The following DCAF6 variants were observed in gnomAD, a reference collection of about 807,000 sequenced individuals.
DCAF6 encodes the protein DDB1- and CUL4-associated factor 6.
DCAF6 carries 54 observed loss-of-function variants against 125.1 expected under a neutral mutation model. That is an observed-to-expected ratio of 0.43 (90% CI 0.35 to 0.54). The LOEUF is 0.54. Ranked by LOEUF, DCAF6 falls within the 20% of genes least tolerant of loss-of-function variation. The pLI is 0.01. For missense variants in DCAF6, 934 were observed against 1,161.7 expected (o/e 0.80, Z 2.85); for synonymous variants, 371 against 390.4 (o/e 0.95, Z 0.58).
At chr1:167,985,826 A>G (rs906909180) in intron 4 of DCAF6, among the ~76,000 whole-genome samples, 2 of 152,188 alleles carry the variant, frequency 1.3e-5, no homozygotes, top group African/African-American at 4.8e-5. Context: ...ACAAAGTAAA[A>G]TATATATGTA....
intron 10 of DCAF6, among the ~76,000 whole-genome samples, chr1:168,014,621 G>C (rs1414833657): frequency 6.6e-6 from 1 of 152,112 alleles, no homozygotes; most frequent in South Asian, 2.1e-4. Context: ...ATTGTTCCCT[G>C]CCGTAATAAA....
the DCAF6 span, chr1:167,905,018 T>TC: frequency 6.2e-7 from 1 of 1,614,198 alleles, no homozygotes; most frequent in South Asian, 1.1e-5. Flanking sequence ...ACATCAGGAC[T>TC]CCGTCAAAAT....
At chr1:167,870,082 T>G in the DCAF6 span, among the ~76,000 whole-genome samples, 1 of 152,248 alleles carries the variant, frequency 6.6e-6, no homozygotes, top group South Asian at 2.1e-4. Flanking sequence ...CCAGTTTCTC[T>G]TTTTCTTAGC....
intron 17 of DCAF6, among the ~76,000 whole-genome samples, chr1:168,063,103 G>A (rs1691818106): frequency 6.6e-6 from 1 of 151,482 alleles, no homozygotes; most frequent in African/African-American, 2.4e-5. Context: ...AGTAGAGATG[G>A]GGTTTCATTA....
At chr1:167,876,291 T>C in the DCAF6 span, among the ~76,000 whole-genome samples, 1 of 151,694 alleles carries the variant, frequency 6.6e-6, no homozygotes, top group Non-Finnish European at 1.5e-5. Flanking sequence ...ACTCTTATGT[T>C]CATTTTGCCA....
chr1:168,019,515 T>G, intron 11 of DCAF6: 1 of 454,580 alleles, frequency 2.2e-6, no homozygotes, highest in Middle Eastern at 3.3e-4. Context: ...TATGGCTGAT[T>G]TTAAGCCCAA....
Position 168,016,911 on chromosome 1 carries a change from T to C in DCAF6, c.1549+960T>C, listed in dbSNP as rs181943689. On this transcript the variant is annotated intron_variant, in intron 11 of 21. Transcript: ENST00000367840. The stretch of plus-strand genomic sequence containing the variant: ...CTTTGAGAGTTCTAATTTGATTATT[T>C]GGAACTAATTTATATATTGGTAGAA... Among the ~76,000 whole-genome samples, 664 of 152,226 alleles carry C rather than the reference T, an allele frequency of 4.4e-3. 2 individuals carry two copies. Among genetic ancestry groups the C allele is most frequent in the African/African-American group, 6.2e-3 (256 of 41,566 alleles).
chr1:168,063,799 T>G (rs1225306618), intron 18 of DCAF6, 40 bp downstream of exon 18: 1 of 1,579,352 alleles, frequency 6.3e-7, no homozygotes, highest in Non-Finnish European at 8.6e-7. Context: ...AAATTGCAGT[T>G]TCATGCTCTG....
chr1:167,889,787 A>T, the DCAF6 span, among the ~76,000 whole-genome samples: 1 of 152,160 alleles, frequency 6.6e-6, no homozygotes, highest in Non-Finnish European at 1.5e-5. Flanking sequence ...ATAGGAGTTT[A>T]TACATTTCTT....
intron 17 of DCAF6, among the ~76,000 whole-genome samples, chr1:168,059,705 G>A (rs1485688419): frequency 6.6e-6 from 1 of 152,098 alleles, no homozygotes; most frequent in African/African-American, 2.4e-5. Flanking sequence ...GATTGCAGTG[G>A]CATGATCATG....
At chr1:168,032,817 G>A (rs1687273644) in intron 12 of DCAF6, among the ~76,000 whole-genome samples, 1 of 152,066 alleles carries the variant, frequency 6.6e-6, no homozygotes, top group African/African-American at 2.4e-5. Flanking sequence ...TGTTGGGCAT[G>A]GTGGTTCTAA....
chr1:168,019,550 C>T (rs577153504), intron 11 of DCAF6: 38 of 456,220 alleles, frequency 8.3e-5, no homozygotes, highest in South Asian at 5.7e-4. Flanking sequence ...TTCAGGTCCC[C>T]TGAAGTCATG....
chr1:167,981,153 C>T lies in DCAF6; in HGVS notation c.438+6138C>T, dbSNP rs150132496. On this transcript the variant is annotated intron_variant, in intron 4 of 21. Coordinates refer to ENST00000367840, the MANE Select transcript of DCAF6 (RefSeq NM_001198956.2). ...GACTCCTGAGCTCAGGTAATCTGCC[C>T]GTCTCCGCCTCCAAAGTGCTGGGCT... 2.1e-3 allele frequency among the ~76,000 whole-genome samples: 321 copies of T among 152,024 alleles called. 2 individuals carry two copies. Among genetic ancestry groups the T allele is most frequent in the African/African-American group, 7.2e-3 (298 of 41,510 alleles).
chr1:168,011,178 G>A (rs1684233795), intron 10 of DCAF6, among the ~76,000 whole-genome samples: 1 of 146,992 alleles, frequency 6.8e-6, no homozygotes, highest in East Asian at 2.0e-4. Context: ...GTGCAGTGGC[G>A]CGACCTCGGC....
upstream of DCAF6, among the ~76,000 whole-genome samples, chr1:167,934,910 T>C (rs1432475052): frequency 1.3e-5 from 2 of 152,164 alleles, no homozygotes; most frequent in Non-Finnish European, 2.9e-5. Flanking sequence ...AATAAAGGGA[T>C]TGGAATCTTT....
At chr1:168,015,705 T>C (rs1374770441) in intron 10 of DCAF6, 76 bp from the exon 11 acceptor site, 4 of 1,266,134 alleles carry the variant, frequency 3.2e-6, no homozygotes, top group Non-Finnish European at 4.2e-6. Context: ...CTTCTTCTTT[T>C]TTAATGTATA....
At chr1:167,958,248 A>G (rs1675062409) in intron 2 of DCAF6, among the ~76,000 whole-genome samples, 1 of 152,096 alleles carries the variant, frequency 6.6e-6, no homozygotes, top group African/African-American at 2.4e-5. Context: ...GTTTTCTTCT[A>G]AGAGTTGTAT....
intron 17 of DCAF6, among the ~76,000 whole-genome samples, chr1:168,061,073 C>T (rs1691530004): frequency 6.6e-6 from 1 of 152,066 alleles, no homozygotes. Context: ...TTCTTCCATT[C>T]AGAAAAATGA....
At chr1:167,888,672 C>A in the DCAF6 span, among the ~76,000 whole-genome samples, 1 of 151,788 alleles carries the variant, frequency 6.6e-6, no homozygotes, top group South Asian at 2.1e-4. Context: ...GTCAGGAGAT[C>A]GAGACCATCC....
Sources: allele counts gnomAD v4.1 joint callset (sites outside exome capture counted in the v4.1 genomes callset), GRCh38; gene constraint gnomAD v4.1.1; transcripts MANE v1.5; gene names NCBI Gene and HGNC (gene_info 2026-07-23, HGNC 2026-07-21).